Variants in ADAM23 observed in about 807,000 individuals in gnomAD.
ADAM23 encodes ADAM metallopeptidase domain 23.
In ADAM23, 33 loss-of-function variants were observed where a neutral mutation model predicts 120.1. The ratio of observed to expected loss-of-function variants is 0.27; its 90% CI spans 0.21 to 0.37. ADAM23 has a LOEUF of 0.37. ADAM23 is among the 10% of genes least tolerant of loss of function. ADAM23 has a pLI of 1.00. For missense variants in ADAM23, 862 were observed against 1,058.2 expected, an observed-to-expected ratio of 0.81 and a Z score of 2.57; for synonymous variants, 367 against 375.2, an observed-to-expected ratio of 0.98 and a Z score of 0.25.
chr2:206,471,456 T>C (rs1363379020), intron 2 of ADAM23, among the ~76,000 whole-genome samples: 1 of 152,150 alleles, frequency 6.6e-6, no homozygotes, highest in African/African-American at 2.4e-5. Context: ...TAGGACTCCT[T>C]AAGGAGGGTT....
chr2:206,560,181 T>C, intron 11 of ADAM23, 63 bp downstream of exon 11: 1 of 1,513,298 alleles, frequency 6.6e-7, no homozygotes, highest in Non-Finnish European at 8.9e-7. Context: ...ATCCCTTTTT[T>C]GGTTCAGTTA....
intron 25 of ADAM23, among the ~76,000 whole-genome samples, chr2:206,614,254 A>G (rs1698890660): frequency 6.6e-6 from 1 of 152,216 alleles, no homozygotes; most frequent in Non-Finnish European, 1.5e-5. Flanking sequence ...CTGACTCTGG[A>G]TTTAAGAGAT....
intron 3 of ADAM23, among the ~76,000 whole-genome samples, chr2:206,498,288 G>C (rs1696303239): frequency 6.6e-6 from 1 of 152,112 alleles, no homozygotes; most frequent in African/African-American, 2.4e-5. Flanking sequence ...GCATGTTACT[G>C]GTACCAAAAC....
chr2:206,448,538 G>A (rs1695127920), intron 2 of ADAM23, among the ~76,000 whole-genome samples: 2 of 152,266 alleles, frequency 1.3e-5, no homozygotes, highest in Middle Eastern at 6.8e-3. Flanking sequence ...GGGTGGCTGG[G>A]GGTCCCTAAA....
In ADAM23 at chr2:206,619,312, G is replaced by A. The variant is rs1308658248; in HGVS notation, c.*1685G>A. The stretch of plus-strand genomic sequence containing the variant: ...ATCTGGGCTTTCCAAGTCCCTCTGA[G>A]TTTCCTTCACTTTTACTGATTTTTT... On this transcript the variant is annotated 3_prime_UTR_variant, in exon 26 of 26. Transcript: ENST00000264377. 1 of 152,148 alleles carries A rather than the reference G, an allele frequency of 6.6e-6. No homozygotes were observed. Among genetic ancestry groups the A allele is most frequent in the Non-Finnish European group, 1.5e-5 (1 of 68,030 alleles). The allele number at this position is 152,148 out of a possible 1,614,324, so 9.4% of individuals were successfully genotyped here.
intron 3 of ADAM23, among the ~76,000 whole-genome samples, chr2:206,486,925 A>T (rs1283674775): frequency 6.6e-6 from 1 of 152,176 alleles, no homozygotes; most frequent in African/African-American, 2.4e-5. Context: ...CCGCTAATCT[A>T]CATTCTGTCT....
intron 16 of ADAM23, among the ~76,000 whole-genome samples, chr2:206,571,285 C>T (rs1641518386): frequency 6.6e-6 from 1 of 151,510 alleles, no homozygotes; most frequent in South Asian, 2.1e-4. Flanking sequence ...ACCATCCTGG[C>T]TAACACGGTG....
rs114398161 is a variant in ADAM23, at chr2:206,568,276, T to C, written c.1494+954T>C. Among the ~76,000 whole-genome samples, 606 of 152,332 alleles carry C rather than the reference T, an allele frequency of 4.0e-3. 4 individuals carry two copies. The highest frequency in any genetic ancestry group is 0.014 in the African/African-American group (566 of 41,580). The stretch of plus-strand genomic sequence containing the variant: ...ACCTGGAGAGGGCCACATTGTCAAT[T>C]GGCATCTCGTCAAACTTTGTGTATA... On this transcript the variant is annotated intron_variant, in intron 15 of 25. Coordinates refer to ENST00000264377, the MANE Select transcript of ADAM23 (RefSeq NM_003812.4).
At chr2:206,522,865 A>G (rs1203811835) in intron 3 of ADAM23, among the ~76,000 whole-genome samples, 1 of 151,386 alleles carries the variant, frequency 6.6e-6, no homozygotes, top group East Asian at 1.9e-4. Context: ...AGTAACCATG[A>G]TTCTGTCATA....
rs759101877 is a variant in ADAM23, at chr2:206,617,730, G to T, written c.*103G>T. On this transcript the variant is annotated 3_prime_UTR_variant, in exon 26 of 26. Coordinates refer to ENST00000264377, the MANE Select transcript of ADAM23 (RefSeq NM_003812.4). ...TATTAAGTTTGTAAACAAAACCTTT[G>T]GGTGGTAATGACTACGGAGCTAAAG... 6.5e-6 allele frequency: 10 copies of T among 1,548,624 alleles called. No individual in the cohort carries two copies. The highest frequency in any genetic ancestry group is 8.7e-6 in the Non-Finnish European group (10 of 1,148,146).
intron 12 of ADAM23, 143 bp downstream of exon 12, chr2:206,561,355 C>G: frequency 1.4e-6 from 1 of 703,954 alleles, no homozygotes; most frequent in Admixed American, 2.6e-5. Context: ...TAAATAGAAC[C>G]CAACGTGGTC....
chr2:206,525,052 C>G (rs943504159), intron 3 of ADAM23, among the ~76,000 whole-genome samples: 10 of 152,118 alleles, frequency 6.6e-5, no homozygotes, highest in African/African-American at 2.4e-4. Flanking sequence ...CAGGATAGCC[C>G]TTCCTGGTTT....
chr2:206,455,404 C>T (rs1186358169), intron 2 of ADAM23, among the ~76,000 whole-genome samples: 1 of 152,172 alleles, frequency 6.6e-6, no homozygotes, highest in East Asian at 1.9e-4. Flanking sequence ...CCTTCTAGGC[C>T]TCTGGACCTA....
intron 22 of ADAM23, among the ~76,000 whole-genome samples, chr2:206,594,376 C>T (rs893688586): frequency 6.6e-6 from 1 of 152,136 alleles, no homozygotes; most frequent in African/African-American, 2.4e-5. Flanking sequence ...TACCATGCTA[C>T]ATCTGAAAGC....
intron 25 of ADAM23, among the ~76,000 whole-genome samples, chr2:206,615,733 G>A (rs1698923468): frequency 6.6e-6 from 1 of 152,196 alleles, no homozygotes; most frequent in Admixed American, 6.5e-5. Context: ...CAGTGATCCT[G>A]TAGAGCAATA....
intron 24 of ADAM23, among the ~76,000 whole-genome samples, chr2:206,608,523 T>G (rs1698770814): frequency 6.6e-6 from 1 of 152,212 alleles, no homozygotes; most frequent in Non-Finnish European, 1.5e-5. Context: ...ACATAGTAAG[T>G]GCACAATACG....
intron 2 of ADAM23, among the ~76,000 whole-genome samples, chr2:206,462,567 G>A (rs528634357): frequency 2.0e-5 from 3 of 152,078 alleles, no homozygotes; most frequent in Non-Finnish European, 4.4e-5. Flanking sequence ...TTGGAGCAGC[G>A]GGACTTAGGG....
At chr2:206,474,803 G>A (rs1182352820) in intron 2 of ADAM23, among the ~76,000 whole-genome samples, 1 of 152,130 alleles carries the variant, frequency 6.6e-6, no homozygotes, top group Admixed American at 6.6e-5. Context: ...TTGAACTCCT[G>A]GCTTCAAGCG....
chr2:206,587,920 G>C (rs1283581024), intron 19 of ADAM23, among the ~76,000 whole-genome samples, 171 bp from the exon 20 acceptor site: 1 of 152,178 alleles, frequency 6.6e-6, no homozygotes, highest in Non-Finnish European at 1.5e-5. Context: ...GAGTTTTAAA[G>C]TTTTAACTCT....
Sources: allele counts gnomAD v4.1 joint callset (sites outside exome capture counted in the v4.1 genomes callset), GRCh38; gene constraint gnomAD v4.1.1; transcripts MANE v1.5; gene names NCBI Gene and HGNC (gene_info 2026-07-23, HGNC 2026-07-21).